GPR176: variants seen among roughly 807,000 people sequenced by gnomAD.
The protein encoded by GPR176 is G-protein coupled receptor 176.
GPR176 carries 26 observed loss-of-function variants against 35.4 expected under a neutral mutation model. The observed-to-expected ratio is 0.74, with a 90% CI of 0.54 to 1.02. The LOEUF is 1.02. Among genes scored for constraint, GPR176 ranks in the 50% least tolerant of loss-of-function variants. GPR176 has a pLI of 0.00. For missense variants in GPR176, 597 were observed against 665.3 expected (o/e 0.90, Z 1.13); for synonymous variants, 278 against 271.3 (o/e 1.02, Z -0.24).
In GPR176 at chr15:39,801,911, C is replaced by G; in HGVS notation, c.769G>C (p.Ala257Pro). 6.2e-7 allele frequency: 1 copy of G among 1,614,026 alleles called. No individual in the cohort carries two copies. Among genetic ancestry groups the G allele is most frequent in the Non-Finnish European group, 8.5e-7 (1 of 1,179,972 alleles). Residue 257 changes from alanine to proline, a missense_variant, in exon 3 of 3, where the codon GCC becomes CCC. Transcript: ENST00000561100. ...TGCAGCTCGGCCTCCCGCTGGGAGG[C>G]ATAGGGAATAGAGATGGTGTTCTGT... ...TPQNTISIPY[A>P]SQREAELHAT...
At chr15:39,879,508 T>C (rs945069874) in intron 1 of GPR176, among the ~76,000 whole-genome samples, 1 of 152,164 alleles carries the variant, frequency 6.6e-6, no homozygotes, top group African/African-American at 2.4e-5. Flanking sequence ...TGCAAAACTG[T>C]ACTCTCAAAC....
intron 1 of GPR176, among the ~76,000 whole-genome samples, chr15:39,918,188 C>A (rs2033777613): frequency 6.6e-6 from 1 of 151,992 alleles, no homozygotes; most frequent in Non-Finnish European, 1.5e-5. Context: ...GAAATAAGGA[C>A]AGATTTATCT....
chr15:39,813,394 T>C (rs1899697977), intron 1 of GPR176: 1 of 152,180 alleles, frequency 6.6e-6, no homozygotes, highest in South Asian at 2.1e-4. Flanking sequence ...TGTCTTTCTT[T>C]TTTCTTCATT....
At chr15:39,839,052 C>T (rs563252345) in intron 1 of GPR176, among the ~76,000 whole-genome samples, 2 of 152,194 alleles carry the variant, frequency 1.3e-5, no homozygotes, top group East Asian at 3.9e-4. Context: ...TGAAAACGGC[C>T]ATACTGCCCA....
intron 2 of GPR176, among the ~76,000 whole-genome samples, chr15:39,805,596 T>C (rs146797249): frequency 3.9e-5 from 6 of 152,278 alleles, no homozygotes; most frequent in East Asian, 3.9e-4. Flanking sequence ...CGTGCCACAA[T>C]TGCAACCTGG....
intron 1 of GPR176, among the ~76,000 whole-genome samples, chr15:39,893,914 C>T (rs1301612450): frequency 7.2e-6 from 1 of 139,172 alleles, no homozygotes; most frequent in African/African-American, 2.7e-5. Flanking sequence ...GGGGCTGACC[C>T]CCCCCAACCT....
chr15:39,832,470 A>G (rs1901150513), intron 1 of GPR176, among the ~76,000 whole-genome samples: 1 of 152,130 alleles, frequency 6.6e-6, no homozygotes, highest in Non-Finnish European at 1.5e-5. Flanking sequence ...TCCAAAGGCT[A>G]TAATCAAGGT....
intron 1 of GPR176, among the ~76,000 whole-genome samples, chr15:39,819,619 T>A (rs1011219257): frequency 6.6e-6 from 1 of 152,222 alleles, no homozygotes; most frequent in Non-Finnish European, 1.5e-5. Flanking sequence ...GTGTCAGAGC[T>A]GCTTAGAGAG....
At chr15:39,908,369 G>C (rs2033480392) in intron 1 of GPR176, among the ~76,000 whole-genome samples, 1 of 152,134 alleles carries the variant, frequency 6.6e-6, no homozygotes, top group African/African-American at 2.4e-5. Flanking sequence ...GGCCCTGCAG[G>C]GCTGTGAGAA....
At chr15:39,845,150 A>C (rs2030329422) in intron 1 of GPR176, among the ~76,000 whole-genome samples, 1 of 152,132 alleles carries the variant, frequency 6.6e-6, no homozygotes, top group Non-Finnish European at 1.5e-5. Context: ...TACCTAGGCC[A>C]GGCCCAGGTT....
At chr15:39,916,616 A>AT (rs2033732071) in intron 1 of GPR176, among the ~76,000 whole-genome samples, 1 of 152,240 alleles carries the variant, frequency 6.6e-6, no homozygotes. Flanking sequence ...AAAGAAGTCT[A>AT]TTTAGAGAAT....
chr15:39,912,472 A>C (rs922423130), intron 1 of GPR176, among the ~76,000 whole-genome samples: 3 of 151,866 alleles, frequency 2.0e-5, no homozygotes, highest in African/African-American at 7.3e-5. Context: ...AAAAAAAATT[A>C]TCCAGGTGTG....
chr15:39,825,050 A>G (rs372047943), intron 1 of GPR176, among the ~76,000 whole-genome samples: 1 of 152,076 alleles, frequency 6.6e-6, no homozygotes, highest in African/African-American at 2.4e-5. Flanking sequence ...ATAAAAAATA[A>G]AGAAAAATTA....
chr15:39,907,697 C>T (rs2033462191), intron 1 of GPR176, among the ~76,000 whole-genome samples: 1 of 152,226 alleles, frequency 6.6e-6, no homozygotes, highest in Non-Finnish European at 1.5e-5. Flanking sequence ...TCATCATCTT[C>T]TGGGGGGCTA....
At position 39,801,354 on chromosome 15, in the gene GPR176, A is replaced by T; in HGVS notation, c.1326T>A (p.Pro442=). Residue 442 remains proline (P), a synonymous_variant, in exon 3 of 3, where the codon CCT becomes CCA. Coordinates refer to ENST00000561100, the MANE Select transcript of GPR176 (RefSeq NM_007223.3). ...SQVAPAAPVE[P]ETFPDKYSLQ... is the part of the protein sequence containing the mutation. Reference sequence around the variant, plus strand: ...GGGAATACTTATCAGGGAATGTTTCAGGTTCCACAGGGGCTGCCGGTGCCA... The same window carrying T: ...GGGAATACTTATCAGGGAATGTTTCTGGTTCCACAGGGGCTGCCGGTGCCA... 1 of 1,614,170 alleles carries T rather than the reference A, an allele frequency of 6.2e-7. No homozygotes were observed. The highest frequency in any genetic ancestry group is 8.5e-7 in the Non-Finnish European group (1 of 1,179,994).
rs1335643395 is a variant in GPR176, at chr15:39,799,433, TGAG to T, written c.*1696_*1698del. 3 of 152,280 alleles carry T rather than the reference TGAG, an allele frequency of 2.0e-5. No homozygotes were observed. Among genetic ancestry groups the T allele is most frequent in the African/African-American group, 7.2e-5 (3 of 41,458 alleles). 9.4% of individuals were successfully genotyped at this position (152,280 alleles called of 1,614,324 possible). A position where few individuals can be genotyped will look rare whatever the true frequency, so the allele number is the denominator to read the frequency against. On this transcript the variant is annotated 3_prime_UTR_variant, in exon 3 of 3. Coordinates refer to ENST00000561100, the MANE Select transcript of GPR176 (RefSeq NM_007223.3). ...TTTCTGCTGTGAGCAAACAGTGCTA[TGAG>T]GAGACCAACACAAAGAGGAAGGTGC...
chr15:39,895,509 T>C (rs2033087199), intron 1 of GPR176, among the ~76,000 whole-genome samples: 1 of 152,182 alleles, frequency 6.6e-6, no homozygotes, highest in Non-Finnish European at 1.5e-5. Flanking sequence ...AGAAATACTT[T>C]TAATAAATAC....
chr15:39,915,601 G>A (rs970120051), intron 1 of GPR176, among the ~76,000 whole-genome samples: 4 of 152,158 alleles, frequency 2.6e-5, no homozygotes, highest in Admixed American at 1.3e-4. Flanking sequence ...TCAGCTGAGC[G>A]CAGTGGCTCA....
intron 1 of GPR176, chr15:39,807,571 A>G (rs1250367644): frequency 6.6e-7 from 1 of 1,510,484 alleles, no homozygotes; most frequent in Non-Finnish European, 8.9e-7. Flanking sequence ...TTATTACTTA[A>G]TCCCAGGCAG....
Sources: gnomAD v4.1 joint callset for allele counts (sites outside exome capture counted in the v4.1 genomes callset) on GRCh38, gnomAD v4.1.1 for gene constraint, MANE v1.5 for transcripts, NCBI Gene and HGNC (gene_info 2026-07-23, HGNC 2026-07-21) for gene names.